TENM1: variants seen among roughly 807,000 people sequenced by gnomAD.
TENM1 encodes teneurin transmembrane protein 1, also known as teneurin-1.
In TENM1, 35 loss-of-function variants were observed where a neutral mutation model predicts 174.8. The ratio of observed to expected loss-of-function variants is 0.20; its 90% CI spans 0.15 to 0.27. TENM1 has a LOEUF of 0.27. Ranked by LOEUF, TENM1 falls within the 10% of genes least tolerant of loss-of-function variation. The probability of loss-of-function intolerance (pLI) is 1.00; values close to 1 mark genes in which losing one functional copy is unlikely to be tolerated. For missense variants in TENM1, 1,633 were observed against 2,130.1 expected, an observed-to-expected ratio of 0.77 and a Z score of 4.59; for synonymous variants, 781 against 798.7, an observed-to-expected ratio of 0.98 and a Z score of 0.37.
intron 11 of TENM1, among the ~76,000 whole-genome samples, chrX:124,587,500 A>C (rs1214293522): frequency 9.0e-6 from 1 of 111,042 alleles, no homozygotes; most frequent in Admixed American, 9.5e-5. Flanking sequence ...AGAAAGCTGA[A>C]ACTGGATCCC....
At chrX:125,129,609 CCAGCCT>C in the TENM1 span, among the ~76,000 whole-genome samples, 3 of 108,871 alleles carry the variant, frequency 2.8e-5, no homozygotes, top group Non-Finnish European at 3.8e-5. Flanking sequence ...ATTACCTTTC[CCAGCCT>C]CTAGTAACCA....
chrX:124,430,400 C>T (rs771107584), intron 23 of TENM1, among the ~76,000 whole-genome samples: 1 of 112,232 alleles, frequency 8.9e-6, no homozygotes, highest in South Asian at 3.8e-4. Context: ...ATTTGCTATC[C>T]CTGTGACCTT....
the TENM1 span, among the ~76,000 whole-genome samples, chrX:125,057,274 G>T: frequency 9.9e-5 from 11 of 111,080 alleles, no homozygotes; most frequent in Non-Finnish European, 1.9e-5. Flanking sequence ...GCATGTGAAT[G>T]GAGAGTCAAG....
At chrX:124,650,321 G>A (rs999634159) in intron 8 of TENM1, among the ~76,000 whole-genome samples, 4 of 109,410 alleles carry the variant, frequency 3.7e-5, no homozygotes, top group Admixed American at 9.9e-5. Flanking sequence ...TAGCAGAAAC[G>A]TTTCTGTTGC....
At chrX:125,026,793 AATGG>A in the TENM1 span, among the ~76,000 whole-genome samples, 1 of 112,287 alleles carries the variant, frequency 8.9e-6, no homozygotes, top group East Asian at 2.8e-4. Context: ...ATGTCATTTG[AATGG>A]ATGAAGAAAT....
At chrX:124,792,309 T>C (rs1007158287) in intron 3 of TENM1, among the ~76,000 whole-genome samples, 18 of 111,911 alleles carry the variant, frequency 1.6e-4, no homozygotes, top group Non-Finnish European at 3.4e-4. Flanking sequence ...AGATTTCCAG[T>C]AGGCATAGGT....
At chrX:125,075,980 A>G in the TENM1 span, among the ~76,000 whole-genome samples, 1 of 111,781 alleles carries the variant, frequency 8.9e-6, no homozygotes, top group East Asian at 2.8e-4. Flanking sequence ...AAGCTACTGA[A>G]GAGTAAGGAG....
the TENM1 span, among the ~76,000 whole-genome samples, chrX:125,121,722 A>T: frequency 8.9e-6 from 1 of 111,930 alleles, no homozygotes; most frequent in Non-Finnish European, 1.9e-5. Context: ...TTTTTAAAAG[A>T]GTTCTGTTTT....
At position 124,503,551 on chromosome X, in the gene TENM1, G is replaced by A; in HGVS notation, c.3445+9C>T. The A allele has an allele frequency of 8.4e-7, 1 of 1,191,305 alleles. No individual in the cohort carries two copies. The highest frequency in any genetic ancestry group is 1.1e-6 in the Non-Finnish European group (1 of 885,753). On this transcript the variant is annotated intron_variant, in intron 19 of 31. Coordinates refer to ENST00000422452, the Ensembl canonical transcript of TENM1. Reference sequence around the variant, plus strand: ...AGTAGTATTCATACAAATTTAAAAAGCTACTTACCACTTTGAGGATTCAAA... The same window carrying A: ...AGTAGTATTCATACAAATTTAAAAAACTACTTACCACTTTGAGGATTCAAA...
intron 3 of TENM1, among the ~76,000 whole-genome samples, chrX:124,818,654 G>T (rs1486266794): frequency 9.0e-6 from 1 of 111,573 alleles, no homozygotes; most frequent in South Asian, 3.8e-4. Context: ...TACCTGAAAG[G>T]ATAGTGAACT....
chrX:124,946,240 G>A (rs1038163561), intron 1 of TENM1, among the ~76,000 whole-genome samples: 3 of 112,059 alleles, frequency 2.7e-5, no homozygotes. Flanking sequence ...GTGAAAATGC[G>A]AGGTGAATCA....
rs760431869 is a variant in TENM1 at position 124,503,480 on chromosome X, C to T, written c.3445+80G>A. 37 of 967,103 alleles carry T rather than the reference C, an allele frequency of 3.8e-5. 1 individual carries two copies. In the South Asian group the frequency reaches 5.3e-4, roughly 14 times the overall value. The allele number at this position is 967,103 out of a possible 1,213,427, so 79.7% of individuals were successfully genotyped here. ...TCTCACAAGTAATTTTTATCTTGTA[C>T]TTTCCAAATTTTCTGCAATAAATAT... On this transcript the variant is annotated intron_variant, in intron 19 of 31. Transcript: ENST00000422452.
intron 3 of TENM1, among the ~76,000 whole-genome samples, chrX:124,878,102 G>A (rs1250678849): frequency 9.0e-6 from 1 of 111,360 alleles, no homozygotes; most frequent in Non-Finnish European, 1.9e-5. Context: ...GTGGACCCCT[G>A]TGCAGTTCAA....
chrX:125,155,379 C>T, the TENM1 span, among the ~76,000 whole-genome samples: 551 of 112,220 alleles, frequency 4.9e-3, 2 homozygotes, highest in Middle Eastern at 0.019. Context: ...CAAGTCCCCA[C>T]TAGACTCAGG....
the TENM1 span, among the ~76,000 whole-genome samples, chrX:125,176,578 C>T: frequency 9.0e-6 from 1 of 111,273 alleles, no homozygotes; most frequent in Non-Finnish European, 1.9e-5. Flanking sequence ...CTCTCTATGG[C>T]AATTCTGATT....
chrX:124,569,741 T>C (rs1182275525), intron 11 of TENM1, among the ~76,000 whole-genome samples: 7 of 111,430 alleles, frequency 6.3e-5, no homozygotes, highest in Non-Finnish European at 1.3e-4. Context: ...TAAATCCATG[T>C]GTACAGAAAA....
chrX:125,061,696 C>G, the TENM1 span, among the ~76,000 whole-genome samples: 3 of 111,907 alleles, frequency 2.7e-5, no homozygotes, highest in East Asian at 5.7e-4. Context: ...GCGGGCAGAT[C>G]GCTTGAGGTC....
At chrX:124,739,907 C>T (rs1383122204) in intron 3 of TENM1, among the ~76,000 whole-genome samples, 1 of 112,231 alleles carries the variant, frequency 8.9e-6, no homozygotes, top group Non-Finnish European at 1.9e-5. Context: ...CTTCTGTGTT[C>T]CCTTTGGCTC....
chrX:125,029,739 A>G, the TENM1 span, among the ~76,000 whole-genome samples: 1 of 111,883 alleles, frequency 8.9e-6, no homozygotes, highest in Non-Finnish European at 1.9e-5. Context: ...CACAGGCATC[A>G]TTTAGAAGGC....
Sources: gnomAD v4.1 joint callset for allele counts (sites outside exome capture counted in the v4.1 genomes callset) on GRCh38, gnomAD v4.1.1 for gene constraint, MANE v1.5 for transcripts, NCBI Gene and HGNC (gene_info 2026-07-23, HGNC 2026-07-21) for gene names.